Variants in PCDHGB5 observed in about 807,000 individuals in gnomAD.
PCDHGB5 encodes the protein protocadherin gamma subfamily B, 5.
PCDHGB5 carries 48 observed loss-of-function variants against 62.9 expected under a neutral mutation model. The ratio of observed to expected loss-of-function variants is 0.76; its 90% CI spans 0.61 to 0.97. PCDHGB5 has a LOEUF of 0.97. PCDHGB5 is among the 50% of genes least tolerant of loss of function. The probability of loss-of-function intolerance (pLI) is 0.00; values close to 1 mark genes in which losing one functional copy is unlikely to be tolerated. For missense variants in PCDHGB5, 1,118 were observed against 1,198.6 expected (o/e 0.93, Z 0.99); for synonymous variants, 474 against 511.2 (o/e 0.93, Z 0.98).
Position 141,486,487 on chromosome 5 carries a change from C to G in PCDHGB5, c.2398-8320C>G. The G allele has an allele frequency of 6.2e-7, 1 of 1,614,086 alleles. No homozygotes were observed. The highest frequency in any genetic ancestry group is 1.1e-5 in the South Asian group (1 of 91,074). ...CTGGGAACCCTCCTCTCAGTACCCA[C>G]AGAACTATTTTCCTCAATATTTCAG... On this transcript the variant is annotated intron_variant, in intron 1 of 3. Coordinates refer to ENST00000617380, the MANE Select transcript of PCDHGB5 (RefSeq NM_018925.3). This position sits in a 1 kb window ranked among gnomAD's most constrained non-coding sequence, Gnocchi z 5.0.
At chr5:141,442,452 CA>C (rs2098325918) in intron 1 of PCDHGB5, 1 of 152,226 alleles carries the variant, frequency 6.6e-6, no homozygotes, top group Admixed American at 6.5e-5. Flanking sequence ...GACTCAATAG[CA>C]GTTTCACTGC....
At chr5:141,402,037 G>A (rs749684542) in intron 1 of PCDHGB5, among the ~76,000 whole-genome samples, 24 of 152,118 alleles carry the variant, frequency 1.6e-4, no homozygotes, top group Non-Finnish European at 2.9e-4. Flanking sequence ...CACAGTCTGT[G>A]CATGCATTAC....
intron 1 of PCDHGB5, chr5:141,402,858 G>A: frequency 1.4e-6 from 2 of 1,427,466 alleles, no homozygotes; most frequent in Admixed American, 2.9e-5. Context: ...TTTCTTCTAA[G>A]GAAAAGATCA....
chr5:141,421,593 G>A lies in PCDHGB5; in HGVS notation c.2397+21069G>A, dbSNP rs780085355. ...CCTTGAAGATTTACGGAGTGGAGGTGGAAATAATAGATATTAATGATAACG... is the reference window on the plus strand; with the variant it reads ...CCTTGAAGATTTACGGAGTGGAGGTAGAAATAATAGATATTAATGATAACG... On this transcript the variant is annotated intron_variant, in intron 1 of 3. Coordinates refer to ENST00000617380, the MANE Select transcript of PCDHGB5 (RefSeq NM_018925.3). 6 of 1,613,840 alleles carry A rather than the reference G, an allele frequency of 3.7e-6. No individual in the cohort carries two copies. In the East Asian group the frequency reaches 1.1e-4, roughly 30 times the overall value.
At chr5:141,410,666 T>C (rs376209053) in intron 1 of PCDHGB5, 1 of 1,566,008 alleles carries the variant, frequency 6.4e-7, no homozygotes, top group Non-Finnish European at 8.6e-7. Flanking sequence ...AGTCTACTAG[T>C]TTCTCATATT....
At chr5:141,479,470 T>G (rs2099497188) in intron 1 of PCDHGB5, 1 of 152,250 alleles carries the variant, frequency 6.6e-6, no homozygotes, top group African/African-American at 2.4e-5. Context: ...CAGTGACCTC[T>G]TGGGAGGGCA....
chr5:141,403,775 G>A (rs760589412), intron 1 of PCDHGB5: 2 of 1,613,866 alleles, frequency 1.2e-6, no homozygotes, highest in Admixed American at 1.7e-5. Context: ...GGGAATCAAC[G>A]GAAAAGTGGC....
At chr5:141,400,629 C>A (rs1416723451) in intron 1 of PCDHGB5, 105 bp downstream of exon 1, 1 of 1,389,786 alleles carries the variant, frequency 7.2e-7, no homozygotes, top group African/African-American at 1.4e-5. Context: ...TTAGGGAAGT[C>A]AGAGCTGCTC....
chr5:141,441,310 C>T (rs2098239133), intron 1 of PCDHGB5: 1 of 152,154 alleles, frequency 6.6e-6, no homozygotes, highest in Non-Finnish European at 1.5e-5. Context: ...AGAAAATGCA[C>T]CTTGAGAAAA....
At chr5:141,460,067 G>T (rs1168161575) in intron 1 of PCDHGB5, among the ~76,000 whole-genome samples, 1 of 151,996 alleles carries the variant, frequency 6.6e-6, no homozygotes, top group Non-Finnish European at 1.5e-5. Flanking sequence ...AACAGAGTGA[G>T]ACTTCATCTA....
intron 1 of PCDHGB5, chr5:141,415,493 T>C (rs1312874620): frequency 6.2e-7 from 1 of 1,614,108 alleles, no homozygotes; most frequent in Non-Finnish European, 8.5e-7. Context: ...AGTCACCTGA[T>C]CTTCCCCCAG....
intron 1 of PCDHGB5, among the ~76,000 whole-genome samples, chr5:141,454,796 ATTTTTTTTTTT>A (rs61612330): frequency 0.01 from 775 of 77,498 alleles, 10 homozygotes; most frequent in African/African-American, 0.043. Context: ...CATGGTTCTA[ATTTTTTTTTTT>A]TTTTTTTTTT....
intron 1 of PCDHGB5, among the ~76,000 whole-genome samples, chr5:141,407,220 A>G (rs569421185): frequency 6.6e-6 from 1 of 152,342 alleles, no homozygotes; most frequent in East Asian, 1.9e-4. Context: ...TTAAGTGGGT[A>G]GCAAAAAAAA....
intron 1 of PCDHGB5, chr5:141,421,487 C>A (rs1447180364): frequency 6.2e-7 from 1 of 1,613,976 alleles, no homozygotes; most frequent in East Asian, 2.2e-5. Context: ...AGCTTGATCA[C>A]GGCAGGCAGG....
chr5:141,444,013 C>T (rs1226458485), intron 1 of PCDHGB5, among the ~76,000 whole-genome samples: 2 of 152,060 alleles, frequency 1.3e-5, no homozygotes, highest in Admixed American at 6.6e-5. Flanking sequence ...TGGGTATTGG[C>T]TTCTAAAAGG....
chr5:141,438,621 TATATATATATATATACACACAC>T (rs2098027070), intron 1 of PCDHGB5, among the ~76,000 whole-genome samples: 1 of 41,368 alleles, frequency 2.4e-5, no homozygotes, highest in Non-Finnish European at 4.0e-5. Flanking sequence ...TATATATATA[TATATATATATATATACACACAC>T]ACACACACAT....
rs1419985074 is a variant in PCDHGB5, at chr5:141,431,009, T to C, written c.2397+30485T>C. On this transcript the variant is annotated intron_variant, in intron 1 of 3. Transcript: ENST00000617380. The surrounding 1 kb of genome is among the most constrained non-coding windows in gnomAD (Gnocchi z 4.8). ...CGCCCTGAATCCGCGCAGCGGCAGC[T>C]TGGTCACGGCGGGCAGGATAGACCG... The C allele has an allele frequency of 3.7e-6, 6 of 1,613,884 alleles. No individual in the cohort carries two copies. Among genetic ancestry groups the C allele is most frequent in the Non-Finnish European group, 5.1e-6 (6 of 1,179,984 alleles).
At chr5:141,403,121 C>G in intron 1 of PCDHGB5, 1 of 1,614,046 alleles carries the variant, frequency 6.2e-7, no homozygotes, top group South Asian at 1.1e-5. Flanking sequence ...TCTGGAGCCC[C>G]GGGAGCTGGC....
chr5:141,412,559 G>C (rs1408913988), intron 1 of PCDHGB5: 2 of 152,100 alleles, frequency 1.3e-5, no homozygotes, highest in African/African-American at 4.8e-5. Context: ...TATCTCATGA[G>C]TTTATTTAAT....
Sources: allele counts gnomAD v4.1 joint callset (sites outside exome capture counted in the v4.1 genomes callset), GRCh38; gene constraint gnomAD v4.1.1; non-coding constraint Gnocchi (gnomAD v3.1); transcripts MANE v1.5; gene names NCBI Gene and HGNC (gene_info 2026-07-23, HGNC 2026-07-21).